Variants in C6orf132 observed in about 807,000 individuals in gnomAD.
C6orf132 encodes the protein uncharacterized protein C6orf132.
Under a neutral mutation model 65.3 loss-of-function variants are expected in C6orf132, and 43 were observed. That is an observed-to-expected ratio of 0.66 (90% CI 0.52 to 0.85). C6orf132 has a LOEUF of 0.85. Ranked by LOEUF, C6orf132 falls within the 40% of genes least tolerant of loss-of-function variation. The probability of loss-of-function intolerance (pLI) is 0.00; values close to 1 mark genes in which losing one functional copy is unlikely to be tolerated. For missense variants in C6orf132, 1,488 were observed against 1,548.8 expected, an observed-to-expected ratio of 0.96 and a Z score of 0.66; for synonymous variants, 631 against 654.1, an observed-to-expected ratio of 0.96 and a Z score of 0.54.
rs144467337 is a variant in C6orf132 at position 42,117,632 on chromosome 6, G to A, written c.253-7341C>T. Among the ~76,000 whole-genome samples the A allele has an allele frequency of 4.3e-3, 660 of 152,174 alleles. 5 individuals carry two copies. Among genetic ancestry groups the A allele is most frequent in the African/African-American group, 0.015 (636 of 41,522 alleles). ...TGAGTGAGAGTGGCAGAAAGAATAT[G>A]GGACAAGTGCCGGGCATGGTGGCTC... On this transcript the variant is annotated intron_variant, in intron 2 of 4. Transcript: ENST00000341865.
rs1457354699 is a variant in C6orf132, at chr6:42,104,363, A to C, written c.3449+100T>G. On this transcript the variant is annotated intron_variant, in intron 4 of 4. Coordinates refer to ENST00000341865, the MANE Select transcript of C6orf132 (RefSeq NM_001164446.3). The surrounding 1 kb of genome is among the most constrained non-coding windows in gnomAD (Gnocchi z 4.1). ...TTCTACCTGCAAGGCCGAAGGGAGA[A>C]AACCAAATGTTTTCTCTTGACGGAT... The C allele has an allele frequency of 1.6e-6, 2 of 1,223,294 alleles. No individual in the cohort carries two copies. Among genetic ancestry groups the C allele is most frequent in the African/African-American group, 1.6e-5 (1 of 64,044 alleles). The allele number at this position is 1,223,294 out of a possible 1,614,324, so 75.8% of individuals were successfully genotyped here. A position where few individuals can be genotyped will look rare whatever the true frequency, so the allele number is the denominator to read the frequency against.
Position 42,104,209 on chromosome 6 carries a change from C to T in C6orf132, c.3449+254G>A, listed in dbSNP as rs147762910. ...TCTCCCCGCCCCACACTTAGCCTGA[C>T]CTCTGGGATCTAGCGGGCAGGAGAG... On this transcript the variant is annotated intron_variant, in intron 4 of 4. Transcript: ENST00000341865. The surrounding 1 kb of genome is among the most constrained non-coding windows in gnomAD (Gnocchi z 4.1). Among the ~76,000 whole-genome samples, 352 of 152,290 alleles carry T rather than the reference C, an allele frequency of 2.3e-3. 2 individuals are homozygous for T. The highest frequency in any genetic ancestry group is 5.9e-3 in the Admixed American group (90 of 15,308).
intron 1 of C6orf132, among the ~76,000 whole-genome samples, chr6:42,137,846 G>A (rs1182264264): frequency 1.3e-5 from 2 of 149,846 alleles, no homozygotes; most frequent in East Asian, 3.9e-4. Context: ...GCGGGGCGGG[G>A]GAGGTGGATC....
At chr6:42,109,788 C>T (rs1053778210) in intron 3 of C6orf132, among the ~76,000 whole-genome samples, 3 of 152,150 alleles carry the variant, frequency 2.0e-5, no homozygotes, top group Non-Finnish European at 2.9e-5. Context: ...TGACATACAT[C>T]CCATCCACCA....
chr6:42,131,658 G>C (rs969471124), intron 1 of C6orf132, among the ~76,000 whole-genome samples: 1 of 152,200 alleles, frequency 6.6e-6, no homozygotes, highest in African/African-American at 2.4e-5. Flanking sequence ...CTTGTTCGAA[G>C]CCTGCTGGTC....
At position 42,107,318 on chromosome 6, in the gene C6orf132, G is replaced by T; in HGVS notation, c.594C>A (p.Ser198=). The T allele has an allele frequency of 7.4e-7, 1 of 1,346,334 alleles. No homozygotes were observed. 83.4% of individuals were successfully genotyped at this position (1,346,334 alleles called of 1,614,324 possible). Reference sequence around the variant, plus strand: ...ATGGGGAGGAAAGAGTGTGTGGTGGGGATAGGGCCTCCAATACTGGGGGTG... The same window carrying T: ...ATGGGGAGGAAAGAGTGTGTGGTGGTGATAGGGCCTCCAATACTGGGGGTG... ...PPPPPVLEAL[S]PPHTLSSPSI... The change falls in exon 4 of 5, where the codon TCC becomes TCA. Residue 198 remains serine, a synonymous_variant. Coordinates refer to ENST00000341865, the MANE Select transcript of C6orf132 (RefSeq NM_001164446.3).
rs1422316888 is a variant in C6orf132, at chr6:42,105,889, C to A, written c.2023G>T (p.Ala675Ser). ...ATLGPATPLKATSGPTTPLKA... is the reference protein window; with the variant it reads ...ATLGPATPLKSTSGPTTPLKA... Reference sequence around the variant, plus strand: ...AGTGGTGTGGTTGGCCCAGATGTGGCCTTGAGTGGTGTGGCTGGCCCAAGT... The same window carrying A: ...AGTGGTGTGGTTGGCCCAGATGTGGACTTGAGTGGTGTGGCTGGCCCAAGT... The change falls in exon 4 of 5, where the codon GCC becomes TCC. Residue 675 changes from alanine to serine, a missense_variant. Coordinates refer to ENST00000341865, the MANE Select transcript of C6orf132 (RefSeq NM_001164446.3). 6.5e-7 allele frequency: 1 copy of A among 1,537,148 alleles called. No homozygotes were observed. Among genetic ancestry groups the A allele is most frequent in the Admixed American group, 2.0e-5 (1 of 50,998 alleles).
intron 2 of C6orf132, among the ~76,000 whole-genome samples, chr6:42,110,900 C>T (rs569332441): frequency 2.6e-5 from 4 of 152,276 alleles, no homozygotes; most frequent in South Asian, 2.1e-4. Flanking sequence ...GTTACAAATA[C>T]GTTTTAGCCA....
rs1442939983 is a variant in C6orf132, at chr6:42,128,688, A to G, written c.236T>C (p.Leu79Pro). 15 of 1,551,360 alleles carry G rather than the reference A, an allele frequency of 9.7e-6. No individual in the cohort carries two copies. The highest frequency in any genetic ancestry group is 3.4e-4 in the Middle Eastern group (2 of 5,838). ...CGTACTCACCAGCGGAAGGAAGGTC[A>G]GCAGGGGCCGGACTCTTGGCCGAGC... Reference protein sequence around the residue: ...LKARPRVRPLLTFLPLNAQEN... With the variant: ...LKARPRVRPLPTFLPLNAQEN... The change falls in exon 2 of 5, where the codon CTG (leucine) becomes CCG (proline). Residue 79 changes from leucine (L) to proline (P), a missense_variant. By Grantham distance (98) the Leu-to-Pro change is moderately conservative (BLOSUM62 -3). Transcript: ENST00000341865.
chr6:42,119,248 CAAAAAAAAAA>C (rs1156356191), intron 2 of C6orf132, among the ~76,000 whole-genome samples: 3 of 44,774 alleles, frequency 6.7e-5, no homozygotes, highest in Non-Finnish European at 1.1e-4. Context: ...GACTCTGTCT[CAAAAAAAAAA>C]AAAAAAAAAA....
At chr6:42,134,540 A>G (rs1435765707) in intron 1 of C6orf132, among the ~76,000 whole-genome samples, 3 of 151,986 alleles carry the variant, frequency 2.0e-5, no homozygotes, top group Non-Finnish European at 2.9e-5. Flanking sequence ...TTGGGAGGCC[A>G]AGGCGGGTGG....
At chr6:42,127,625 T>TA (rs1180322848) in intron 2 of C6orf132, among the ~76,000 whole-genome samples, 1 of 152,116 alleles carries the variant, frequency 6.6e-6, no homozygotes, top group East Asian at 1.9e-4. Flanking sequence ...CAGGCAATAC[T>TA]AAACCCTCAT....
chr6:42,135,723 C>A (rs1435359582), intron 1 of C6orf132, among the ~76,000 whole-genome samples: 3 of 152,232 alleles, frequency 2.0e-5, no homozygotes, highest in Non-Finnish European at 4.4e-5. Flanking sequence ...TGTCTAACAT[C>A]TATTAAGCCT....
At chr6:42,122,404 G>A (rs1766702564) in intron 2 of C6orf132, among the ~76,000 whole-genome samples, 1 of 152,220 alleles carries the variant, frequency 6.6e-6, no homozygotes, top group African/African-American at 2.4e-5. Context: ...GCACACATCT[G>A]TGAGTCCATG....
chr6:42,137,344 G>A (rs372817268), intron 1 of C6orf132, among the ~76,000 whole-genome samples: 1 of 152,210 alleles, frequency 6.6e-6, no homozygotes, highest in Non-Finnish European at 1.5e-5. Flanking sequence ...GGGTGTATAT[G>A]TGTGCACTGG....
In C6orf132 at chr6:42,106,756, G is replaced by A. The variant is rs759152631; in HGVS notation, c.1156C>T (p.Arg386Ter). ...LGQSQSQADE[R>*]AGTPPPAPPL... ...GGGGCTGGAGGCGGAGTCCCAGCTC[G>A]TTCATCTGCTTGGGACTGGGACTGG... Residue 386 changes from arginine (R) to a stop codon, truncating the protein, a stop_gained, in exon 4 of 5, where the codon CGA (arginine) becomes TGA (stop). Transcript: ENST00000341865. LOFTEE classifies it high-confidence loss of function. 2.5e-5 allele frequency: 38 copies of A among 1,532,876 alleles called. No individual in the cohort carries two copies. Among genetic ancestry groups the A allele is most frequent in the South Asian group, 1.7e-4 (14 of 83,892 alleles). 95.0% of individuals were successfully genotyped at this position (1,532,876 alleles called of 1,614,324 possible).
At chr6:42,131,674 G>A (rs1766855405) in intron 1 of C6orf132, among the ~76,000 whole-genome samples, 1 of 152,212 alleles carries the variant, frequency 6.6e-6, no homozygotes, top group Admixed American at 6.5e-5. Flanking sequence ...TGGTCAGGAT[G>A]GAGTCGGATC....
chr6:42,106,557 T>C lies in C6orf132; in HGVS notation c.1355A>G (p.Asn452Ser), dbSNP rs753502932. 3.9e-6 allele frequency: 6 copies of C among 1,536,006 alleles called. No homozygotes were observed. Among genetic ancestry groups the C allele is most frequent in the Non-Finnish European group, 3.5e-6 (4 of 1,146,742 alleles). The change falls in exon 4 of 5, where the codon AAC (asparagine) becomes AGC (serine). Residue 452 changes from asparagine to serine, a missense_variant. Coordinates refer to ENST00000341865, the MANE Select transcript of C6orf132 (RefSeq NM_001164446.3). ...KPKPNPPSPE[N>S]TASSAPVDWR... is the part of the protein sequence containing the mutation. ...GTCCACAGGTGCTGAAGACGCTGTGTTCTCTGGGCTGGGGGGGTTGGGTTT... is the reference window on the plus strand; with the variant it reads ...GTCCACAGGTGCTGAAGACGCTGTGCTCTCTGGGCTGGGGGGGTTGGGTTT...
chr6:42,105,317 T>C lies in C6orf132; in HGVS notation c.2595A>G (p.Pro865=). 6.5e-7 allele frequency: 1 copy of C among 1,537,010 alleles called. No individual in the cohort carries two copies. Among genetic ancestry groups the C allele is most frequent in the South Asian group, 1.2e-5 (1 of 84,058 alleles). The change falls in exon 4 of 5, where the codon CCA becomes CCG. Residue 865 remains proline, a synonymous_variant. Transcript: ENST00000341865. ...GGTGGCTGTGGTCACGGAGACTTCC[T>C]GGCAGAGAGGACCGACCCAGGGCAG... ...VGAALGRSSL[P]GSLRDHSHQA...
Sources: gnomAD v4.1 joint callset for allele counts (sites outside exome capture counted in the v4.1 genomes callset) on GRCh38, gnomAD v4.1.1 for gene constraint, Gnocchi (gnomAD v3.1) non-coding constraint, MANE v1.5 for transcripts, NCBI Gene and HGNC (gene_info 2026-07-23, HGNC 2026-07-21) for gene names.